Variants in IDE observed in about 807,000 individuals in gnomAD.
IDE encodes insulin-degrading enzyme.
IDE carries 58 observed loss-of-function variants against 133.2 expected under a neutral mutation model. That is an observed-to-expected ratio of 0.44 (90% CI 0.35 to 0.54). The LOEUF (loss-of-function observed/expected upper bound fraction) is 0.54, where lower values mean the gene tolerates loss of function less well. IDE is among the 20% of genes least tolerant of loss of function. The probability of loss-of-function intolerance (pLI) is 0.00; values close to 1 mark genes in which losing one functional copy is unlikely to be tolerated. For missense variants in IDE, 981 were observed against 1,234.0 expected, an observed-to-expected ratio of 0.79 and a Z score of 3.07; for synonymous variants, 396 against 421.3, an observed-to-expected ratio of 0.94 and a Z score of 0.73.
chr10:92,489,146 G>A (rs1251447216), intron 12 of IDE, among the ~76,000 whole-genome samples: 2 of 152,070 alleles, frequency 1.3e-5, no homozygotes, highest in Admixed American at 6.6e-5. Context: ...CACTGGGGAC[G>A]TTGGCCATAT....
At chr10:92,485,916 TG>T (rs1846965929) in intron 13 of IDE, among the ~76,000 whole-genome samples, 2 of 152,256 alleles carry the variant, frequency 1.3e-5, no homozygotes, top group African/African-American at 4.8e-5. Flanking sequence ...CACTCCAGCC[TG>T]GGCAACAGAG....
chr10:92,554,545 TA>T (rs11418454), intron 1 of IDE, among the ~76,000 whole-genome samples: 38 of 137,510 alleles, frequency 2.8e-4, no homozygotes, highest in Admixed American at 3.0e-4. Flanking sequence ...AACAGTGTCT[TA>T]AAAAAAAAAA....
At chr10:92,499,438 C>T (rs1485460923) in intron 11 of IDE, among the ~76,000 whole-genome samples, 2 of 151,516 alleles carry the variant, frequency 1.3e-5, no homozygotes, top group Non-Finnish European at 2.9e-5. Flanking sequence ...AGCCACCGCA[C>T]CCAGCCTTCT....
intron 11 of IDE, among the ~76,000 whole-genome samples, chr10:92,490,995 T>TAAA (rs1380567091): frequency 2.0e-5 from 3 of 152,116 alleles, no homozygotes; most frequent in Non-Finnish European, 4.4e-5. Flanking sequence ...CCCAGCACTT[T>TAAA]AGGAGGCTGA....
chr10:92,531,425 C>T (rs1317261385), intron 4 of IDE, among the ~76,000 whole-genome samples: 1 of 151,888 alleles, frequency 6.6e-6, no homozygotes, highest in Admixed American at 6.6e-5. Flanking sequence ...CTACAGTGAG[C>T]CTTTACAAAA....
intron 11 of IDE, chr10:92,497,818 A>C: frequency 3.0e-6 from 1 of 329,496 alleles, no homozygotes; most frequent in African/African-American, 2.2e-5. Context: ...TTTAAATGTG[A>C]GAGTAAAAAG....
At chr10:92,471,611 C>A (rs1845970043) in intron 17 of IDE, among the ~76,000 whole-genome samples, 1 of 152,106 alleles carries the variant, frequency 6.6e-6, no homozygotes, top group Non-Finnish European at 1.5e-5. Flanking sequence ...ACAATACTTA[C>A]CCCCTTGTCT....
intron 4 of IDE, among the ~76,000 whole-genome samples, chr10:92,523,682 CAA>C (rs1849353954): frequency 7.5e-6 from 1 of 133,672 alleles, no homozygotes; most frequent in African/African-American, 2.8e-5. Flanking sequence ...GCATGGGCGA[CAA>C]GAGTAAGACT....
chr10:92,496,263 G>C (rs11187024), intron 11 of IDE, among the ~76,000 whole-genome samples: 1 of 152,094 alleles, frequency 6.6e-6, no homozygotes, highest in African/African-American at 2.4e-5. Context: ...GTTCTTACCA[G>C]GTCAAATTCT....
chr10:92,473,772 G>A (rs1846108140), intron 17 of IDE, among the ~76,000 whole-genome samples: 1 of 152,170 alleles, frequency 6.6e-6, no homozygotes, highest in South Asian at 2.1e-4. Context: ...CCGGAGGTCA[G>A]GAGTTCAAGA....
chr10:92,468,582 G>A (rs1380836180), intron 19 of IDE, among the ~76,000 whole-genome samples: 1 of 151,950 alleles, frequency 6.6e-6, no homozygotes, highest in African/African-American at 2.4e-5. Context: ...TTTATTTCAT[G>A]ACTCATAGTC....
intron 18 of IDE, among the ~76,000 whole-genome samples, chr10:92,469,453 G>A (rs552160884): frequency 3.0e-4 from 45 of 151,680 alleles, no homozygotes; most frequent in Non-Finnish European, 5.4e-4. Context: ...TTTTGAGACA[G>A]GGTTTCGTTC....
intron 11 of IDE, among the ~76,000 whole-genome samples, chr10:92,501,837 T>A (rs1445027135): frequency 6.6e-6 from 1 of 151,790 alleles, no homozygotes; most frequent in Non-Finnish European, 1.5e-5. Flanking sequence ...TAGCCAGGTG[T>A]GGTGGCGGGT....
chr10:92,461,286 T>C lies in IDE; in HGVS notation c.2762-34A>G, dbSNP rs369930618. ...GTAATCAAACAATATTTTACTAACA[T>C]TTTCATATGAAGCAGCCCAGAACAG... On this transcript the variant is annotated intron_variant, in intron 21 of 24. Coordinates refer to ENST00000265986, the MANE Select transcript of IDE (RefSeq NM_004969.4). The C allele has an allele frequency of 1.2e-5, 13 of 1,073,750 alleles. No homozygotes were observed. In the African/African-American group the frequency reaches 1.7e-4, roughly 14 times the overall value. The allele number at this position is 1,073,750 out of a possible 1,614,324, so 66.5% of individuals were successfully genotyped here.
At chr10:92,541,203 A>C in intron 1 of IDE, 1 of 300,860 alleles carries the variant, frequency 3.3e-6, no homozygotes, top group South Asian at 2.8e-5. Flanking sequence ...CAACATTTTC[A>C]AACAAAACCT....
chr10:92,479,628 T>C (rs78476893), intron 14 of IDE: 2 of 394,178 alleles, frequency 5.1e-6, no homozygotes, highest in Non-Finnish European at 9.2e-6. Flanking sequence ...TGTGTGTGTG[T>C]GCATGCGTGC....
intron 6 of IDE, among the ~76,000 whole-genome samples, chr10:92,509,728 C>CA (rs1328063161): frequency 6.6e-6 from 1 of 152,052 alleles, no homozygotes; most frequent in Non-Finnish European, 1.5e-5. Context: ...CGAGATCAGT[C>CA]AAGGCAACAT....
At chr10:92,468,844 T>C in intron 19 of IDE, 35 bp downstream of exon 19, 1 of 1,107,620 alleles carries the variant, frequency 9.0e-7, no homozygotes, top group East Asian at 2.3e-5. Context: ...TATGTCAAAA[T>C]AGTCCATTCC....
At chr10:92,503,717 G>T (rs1034604591) in intron 11 of IDE, among the ~76,000 whole-genome samples, 2 of 150,592 alleles carry the variant, frequency 1.3e-5, no homozygotes, top group Non-Finnish European at 3.0e-5. Context: ...CTGTCAAAAA[G>T]ACTTTTTTTT....
Sources: gnomAD v4.1 joint callset for allele counts (sites outside exome capture counted in the v4.1 genomes callset) on GRCh38, gnomAD v4.1.1 for gene constraint, MANE v1.5 for transcripts, NCBI Gene and HGNC (gene_info 2026-07-23, HGNC 2026-07-21) for gene names.